The following CEP170 variants were observed in gnomAD, a reference collection of about 807,000 sequenced individuals.
CEP170 encodes the protein centrosomal protein of 170 kDa.
A neutral mutation model predicts 151.9 loss-of-function variants in CEP170; 21 were observed. That is an observed-to-expected ratio of 0.14 (90% CI 0.10 to 0.20). The LOEUF is 0.20. Ranked by LOEUF, CEP170 falls within the 10% of genes least tolerant of loss-of-function variation. The pLI, the probability that CEP170 is intolerant of heterozygous loss-of-function variation, is 1.00. For missense variants in CEP170, 964 were observed against 1,892.9 expected (o/e 0.51, Z 9.11); for synonymous variants, 356 against 648.8 (o/e 0.55, Z 6.86).
chr1:243,250,071 AAAAAAC>A lies in CEP170; in HGVS notation c.-42+4963_-42+4968del, dbSNP rs1379872591. On this transcript the variant is annotated intron_variant, in intron 1 of 19. Transcript: ENST00000366542. ...GGCGAGAGAGCAAGACTCCGTCTCA[AAAAAAC>A]AAAAACAAAAACAAACAAAAAGGCC... Among the ~76,000 whole-genome samples the A allele has an allele frequency of 4.6e-5, 7 of 152,304 alleles. No individual in the cohort carries two copies. In the East Asian group the frequency reaches 1.3e-3, roughly 29 times the overall value.
chr1:243,160,405 T>C (rs1335621893), intron 13 of CEP170, among the ~76,000 whole-genome samples: 2 of 152,194 alleles, frequency 1.3e-5, no homozygotes, highest in African/African-American at 2.4e-5. Flanking sequence ...ACAGCATTCA[T>C]TACAAAATTT....
At chr1:243,247,717 C>A (rs926765648) in intron 1 of CEP170, among the ~76,000 whole-genome samples, 1 of 152,102 alleles carries the variant, frequency 6.6e-6, no homozygotes, top group Non-Finnish European at 1.5e-5. Flanking sequence ...AAATGATGTG[C>A]GAAACTGCCT....
chr1:243,186,799 G>T lies in CEP170; in HGVS notation c.1109-377C>A, dbSNP rs969351451. 1.2e-4 allele frequency among the ~76,000 whole-genome samples: 18 copies of T among 152,152 alleles called. 1 individual carries two copies. The highest frequency in any genetic ancestry group is 6.5e-5 in the Admixed American group (1 of 15,284). On this transcript the variant is annotated intron_variant, in intron 8 of 19. Transcript: ENST00000366542. ...TTTAGCAATAAAAAATTTGACTCTA[G>T]CATTAGAGATGAAAAAAGACAAGAA...
chr1:243,183,377 C>T (rs1485550393), intron 10 of CEP170, among the ~76,000 whole-genome samples: 1 of 152,098 alleles, frequency 6.6e-6, no homozygotes, highest in African/African-American at 2.4e-5. Context: ...ACCCAAACCT[C>T]AAAATGGAGA....
At position 243,186,271 on chromosome 1, in the gene CEP170, T is replaced by A. The variant is rs748157178; in HGVS notation, c.1260A>T (p.Gln420His). Residue 420 changes from glutamine (Q) to histidine (H), a missense_variant, in exon 9 of 20, where the codon CAA becomes CAT. Gln to His is a conservative substitution (Grantham distance 24, BLOSUM62 0). Transcript: ENST00000366542. ...CAGTTTGACTTACAACAGCTTGGTC[T>A]TGATGCTTTTCAGTAGCCTGGACCT... Reference protein sequence around the residue: ...LQKVQATEKHQDQAVTSSAHH... With the variant: ...LQKVQATEKHHDQAVTSSAHH... The A allele has an allele frequency of 6.2e-7, 1 of 1,613,824 alleles. No homozygotes were observed. The highest frequency in any genetic ancestry group is 1.7e-5 in the Admixed American group (1 of 60,018).
chr1:243,157,177 G>A (rs2057641364), intron 13 of CEP170, among the ~76,000 whole-genome samples: 1 of 152,212 alleles, frequency 6.6e-6, no homozygotes, highest in Non-Finnish European at 1.5e-5. Context: ...ACAAGCTTTT[G>A]TCACAACCAT....
chr1:243,196,305 A>G (rs1199744639), intron 7 of CEP170, among the ~76,000 whole-genome samples: 1 of 152,034 alleles, frequency 6.6e-6, no homozygotes, highest in Non-Finnish European at 1.5e-5. Context: ...TCCCAGCTCC[A>G]TTATTTGTAG....
At chr1:243,226,187 A>ATATACC (rs2063276741) in intron 1 of CEP170, among the ~76,000 whole-genome samples, 1 of 33,456 alleles carries the variant, frequency 3.0e-5, no homozygotes, top group African/African-American at 6.1e-5. Context: ...ATATCTAGAT[A>ATATACC]TATATATCTA....
chr1:243,214,156 T>C (rs1327182731), intron 3 of CEP170, among the ~76,000 whole-genome samples: 5 of 152,174 alleles, frequency 3.3e-5, no homozygotes, highest in Non-Finnish European at 7.3e-5. Context: ...GAAGAGATGA[T>C]GTAGACATAA....
intron 19 of CEP170, among the ~76,000 whole-genome samples, chr1:243,126,987 T>C (rs2053774133): frequency 6.6e-6 from 1 of 152,180 alleles, no homozygotes; most frequent in South Asian, 2.1e-4. Context: ...GTAAGTCTGG[T>C]ATTTGAAGAT....
intron 1 of CEP170, among the ~76,000 whole-genome samples, chr1:243,230,348 A>C (rs2063628263): frequency 1.7e-5 from 2 of 120,580 alleles, no homozygotes; most frequent in Admixed American, 1.0e-4. Flanking sequence ...AGTTCTCAAA[A>C]ACCAAAAAAT....
intron 3 of CEP170, among the ~76,000 whole-genome samples, chr1:243,212,557 C>T (rs2061903221): frequency 6.6e-6 from 1 of 152,144 alleles, no homozygotes; most frequent in African/African-American, 2.4e-5. Context: ...ATCCTAGCAA[C>T]TATTTAATAT....
intron 1 of CEP170, among the ~76,000 whole-genome samples, chr1:243,250,378 C>T (rs897745998): frequency 6.6e-6 from 1 of 152,132 alleles, no homozygotes; most frequent in Admixed American, 6.5e-5. Flanking sequence ...GCTACGTTCA[C>T]GGAGATGAAA....
At chr1:243,161,160 G>A (rs1363042863) in intron 13 of CEP170, among the ~76,000 whole-genome samples, 6 of 151,502 alleles carry the variant, frequency 4.0e-5, no homozygotes, top group African/African-American at 7.3e-5. Context: ...AAAATTAGGC[G>A]GGCATGGTGG....
chr1:243,136,111 G>A (rs1480480809), intron 17 of CEP170, 32 bp downstream of exon 17: 2 of 1,534,810 alleles, frequency 1.3e-6, no homozygotes, highest in Non-Finnish European at 1.8e-6. Flanking sequence ...AAAGTGAGGT[G>A]ATATTAAAGT....
intron 7 of CEP170, among the ~76,000 whole-genome samples, chr1:243,197,928 C>G (rs1290061751): frequency 2.6e-5 from 4 of 152,146 alleles, no homozygotes; most frequent in Non-Finnish European, 2.9e-5. Flanking sequence ...TTGACAAGTT[C>G]AGCCTTGGGC....
At chr1:243,145,045 C>T (rs1558404788) in intron 14 of CEP170, among the ~76,000 whole-genome samples, 2 of 151,352 alleles carry the variant, frequency 1.3e-5, no homozygotes, top group African/African-American at 4.9e-5. Context: ...AGTCATAACA[C>T]TTTTTTTTCA....
Position 243,201,109 on chromosome 1 carries a change from A to T in CEP170, c.275-274T>A, listed in dbSNP as rs191227609. On this transcript the variant is annotated intron_variant, in intron 4 of 19. Coordinates refer to ENST00000366542, the MANE Select transcript of CEP170 (RefSeq NM_014812.3). ...CTGGGTAATTTATCAGAGCACAGAG[A>T]CATTTTCAATTTTCACTAACAATAA... Among the ~76,000 whole-genome samples the T allele has an allele frequency of 3.2e-3, 490 of 152,230 alleles. 1 individual carries two copies. Among genetic ancestry groups the T allele is most frequent in the African/African-American group, 0.012 (486 of 41,540 alleles).
intron 1 of CEP170, among the ~76,000 whole-genome samples, chr1:243,245,234 A>G (rs956032418): frequency 6.6e-6 from 1 of 152,140 alleles, no homozygotes; most frequent in African/African-American, 2.4e-5. Context: ...GTCAAGTGTT[A>G]TTGATAAAAG....
Sources: allele counts gnomAD v4.1 joint callset (sites outside exome capture counted in the v4.1 genomes callset), GRCh38; gene constraint gnomAD v4.1.1; transcripts MANE v1.5; gene names NCBI Gene and HGNC (gene_info 2026-07-23, HGNC 2026-07-21).